Variants in LGALS8 observed in about 807,000 individuals in gnomAD.
The protein encoded by LGALS8 is galectin-8.
Under a neutral mutation model 35.9 loss-of-function variants are expected in LGALS8, and 30 were observed. The ratio of observed to expected loss-of-function variants is 0.83; its 90% CI spans 0.62 to 1.13. The LOEUF (loss-of-function observed/expected upper bound fraction) is 1.13. Among genes scored for constraint, LGALS8 ranks in the 50% most tolerant of loss-of-function variants. LGALS8 has a pLI of 0.00. For missense variants in LGALS8, 366 were observed against 388.7 expected, an observed-to-expected ratio of 0.94 and a Z score of 0.49; for synonymous variants, 138 against 136.1, an observed-to-expected ratio of 1.01 and a Z score of -0.10.
rs768800971 is a variant in LGALS8, at chr1:236,548,009, C to G, written c.805-3C>G. On this transcript the variant is annotated splice_polypyrimidine_tract_variant and splice_region_variant and intron_variant, in intron 9 of 9. Transcript: ENST00000366584. ...ACTAATGGCATGTATCCTTTCCTTT[C>G]AGATGATAATTTATTGTGATGTTAG... The G allele has an allele frequency of 6.2e-7, 1 of 1,609,318 alleles. No homozygotes were observed. The highest frequency in any genetic ancestry group is 1.1e-5 in the South Asian group (1 of 90,768).
chr1:236,552,058 T>C lies in LGALS8; in HGVS notation c.*3897T>C, dbSNP rs1210586627. 4 of 1,613,678 alleles carry C rather than the reference T, an allele frequency of 2.5e-6. No homozygotes were observed. The South Asian group carries it at 4.4e-5, about 18-fold the overall frequency. ...TGGTAGCAAGACAATATAATTCTCC[T>C]TTAGTTTTTCAGCCAGTGCTAACAC... On this transcript the variant is annotated 3_prime_UTR_variant, in exon 10 of 10. Coordinates refer to ENST00000366584, the MANE Select transcript of LGALS8 (RefSeq NM_201544.4).
Position 236,551,296 on chromosome 1 carries a change from G to A in LGALS8, c.*3135G>A, listed in dbSNP as rs1662731079. ...CCCCTCCAAGAGCTAAGAAACAAAG[G>A]AGAATGTACTTTTGTAGCTTAGATA... On this transcript the variant is annotated 3_prime_UTR_variant, in exon 10 of 10. Transcript: ENST00000366584. 1 of 337,400 alleles carries A rather than the reference G, an allele frequency of 3.0e-6. No homozygotes were observed. Among genetic ancestry groups the A allele is most frequent in the African/African-American group, 2.1e-5 (1 of 47,412 alleles). 20.9% of individuals were successfully genotyped at this position (337,400 alleles called of 1,614,324 possible).
At chr1:236,520,570 T>A (rs1660523295), upstream of LGALS8, among the ~76,000 whole-genome samples, 1 of 152,198 alleles carries the variant, frequency 6.6e-6, no homozygotes, top group African/African-American at 2.4e-5. Flanking sequence ...ATGACATCCA[T>A]GTTCCTAAGC....
At chr1:236,525,407 T>C (rs988009292) in intron 1 of LGALS8, 1 of 26,750 alleles carries the variant, frequency 3.7e-5, no homozygotes, top group African/African-American at 5.1e-5. Context: ...TTAATTAAAT[T>C]TTTTTTTTTT....
At chr1:236,535,824 G>C (rs1433466369) in intron 2 of LGALS8, among the ~76,000 whole-genome samples, 1 of 152,224 alleles carries the variant, frequency 6.6e-6, no homozygotes, top group African/African-American at 2.4e-5. Context: ...AGGCAACAGA[G>C]AGCTTGTGGG....
chr1:236,543,828 T>C (rs1428551091), intron 8 of LGALS8, among the ~76,000 whole-genome samples, 180 bp downstream of exon 8: 1 of 152,140 alleles, frequency 6.6e-6, no homozygotes. Flanking sequence ...CAGAGCCGAC[T>C]AAGGCCGTGT....
upstream of LGALS8, among the ~76,000 whole-genome samples, chr1:236,518,677 C>T (rs1660469504): frequency 1.3e-5 from 2 of 151,990 alleles, no homozygotes; most frequent in Non-Finnish European, 2.9e-5. Context: ...TCATTATTGT[C>T]ACAGGTTCTG....
rs768957404 is a variant in LGALS8 at position 236,542,767 on chromosome 1, A to T, written c.529A>T (p.Lys177Ter). The T allele has an allele frequency of 6.2e-7, 1 of 1,614,150 alleles. No individual in the cohort carries two copies. Residue 177 changes from lysine to a stop codon, truncating the protein, a stop_gained, in exon 7 of 10, where the codon AAG becomes TAG. Coordinates refer to ENST00000366584, the MANE Select transcript of LGALS8 (RefSeq NM_201544.4). LOFTEE classifies it high-confidence loss of function. The part of the protein sequence containing the change: ...LTEISRENVP[K>*]SGTPQLRLPF... ...TTTGTTTCTTTTCCAATAGGTTCCA[A>T]AGTCTGGCACGCCCCAGCTTGTGAG...
rs907647115 is a variant in LGALS8 at position 236,524,308 on chromosome 1, G to A, written c.-104+247G>A. The A allele has an allele frequency of 3.7e-5, 17 of 456,372 alleles. No individual in the cohort carries two copies. In the Admixed American group the frequency reaches 3.8e-4, roughly 10 times the overall value. The allele number at this position is 456,372 out of a possible 1,614,324, so 28.3% of individuals were successfully genotyped here. ...GGCATAAGGGATTATCAGGAGTCGC[G>A]GCCTTTCTTGGACATCCCTGGCTGG... On this transcript the variant is annotated intron_variant, in intron 1 of 9. Coordinates refer to ENST00000366584, the MANE Select transcript of LGALS8 (RefSeq NM_201544.4).
At chr1:236,546,194 CAG>C (rs1257080879) in intron 9 of LGALS8, among the ~76,000 whole-genome samples, 1 of 152,136 alleles carries the variant, frequency 6.6e-6, no homozygotes, top group Non-Finnish European at 1.5e-5. Context: ...CATTTTTTTG[CAG>C]AGACAGTGAA....
chr1:236,546,120 T>C (rs768641282), intron 9 of LGALS8, among the ~76,000 whole-genome samples: 3 of 152,174 alleles, frequency 2.0e-5, no homozygotes, highest in Admixed American at 6.5e-5. Flanking sequence ...AATACTAAGA[T>C]GAAAATACCT....
chr1:236,528,337 G>T (rs1307128997), intron 2 of LGALS8, among the ~76,000 whole-genome samples: 1 of 149,970 alleles, frequency 6.7e-6, no homozygotes, highest in South Asian at 2.1e-4. Context: ...AGCCGAGATG[G>T]TGCCACTGCA....
intron 2 of LGALS8, among the ~76,000 whole-genome samples, chr1:236,533,984 A>G (rs1661309382): frequency 6.6e-6 from 1 of 152,108 alleles, no homozygotes; most frequent in South Asian, 2.1e-4. Context: ...CCCCGGATGT[A>G]GCTGCCTTTG....
chr1:236,551,012 CA>C lies in LGALS8; in HGVS notation c.*2855del. 2 of 1,405,420 alleles carry C rather than the reference CA, an allele frequency of 1.4e-6. No individual in the cohort carries two copies. Among genetic ancestry groups the C allele is most frequent in the Non-Finnish European group, 1.9e-6 (2 of 1,047,870 alleles). 87.1% of individuals were successfully genotyped at this position (1,405,420 alleles called of 1,614,324 possible). Reference sequence around the variant, plus strand: ...TCATCTAAAAAAAAAAAAAAAAAATCAAAATTAAAATCTGAGTCAGTCCGCC... The same window carrying C: ...TCATCTAAAAAAAAAAAAAAAAAATCAAATTAAAATCTGAGTCAGTCCGCC... On this transcript the variant is annotated 3_prime_UTR_variant, in exon 10 of 10. Transcript: ENST00000366584.
Position 236,538,880 on chromosome 1 carries a change from T to C in LGALS8, c.136T>C (p.Phe46Leu), listed in dbSNP as rs1258714026. ...GCCCCTGTGTCTTCCCTCATATAGA[T>C]TCCAGGTGGATCTGCAGAATGGCAG... The part of the protein sequence containing the change: ...RGHVPSDADR[F>L]QVDLQNGSSM... Residue 46 changes from phenylalanine (F) to leucine (L), a missense_variant and splice_region_variant, in exon 4 of 10, where the codon TTC (phenylalanine) becomes CTC (leucine). By Grantham distance (22) the Phe-to-Leu change is conservative (BLOSUM62 0). Transcript: ENST00000366584. 10 of 1,611,580 alleles carry C rather than the reference T, an allele frequency of 6.2e-6. No homozygotes were observed. The highest frequency in any genetic ancestry group is 7.6e-6 in the Non-Finnish European group (9 of 1,179,132).
chr1:236,543,945 CTTTTCT>C (rs903780662), intron 8 of LGALS8, among the ~76,000 whole-genome samples: 9 of 103,716 alleles, frequency 8.7e-5, no homozygotes, highest in Admixed American at 1.9e-4. Flanking sequence ...CAGGCAACAT[CTTTTCT>C]TTTTTTTTTT....
In LGALS8 at chr1:236,541,721, A is replaced by T; in HGVS notation, c.522+11A>T. ...ATAAGTAGAGAAAATGTAAATATTA[A>T]ATCTTTTAATGAGCCACTGGTTTAA... On this transcript the variant is annotated intron_variant, in intron 6 of 9. Coordinates refer to ENST00000366584, the MANE Select transcript of LGALS8 (RefSeq NM_201544.4). 1 of 1,384,662 alleles carries T rather than the reference A, an allele frequency of 7.2e-7. No homozygotes were observed. Among genetic ancestry groups the T allele is most frequent in the Non-Finnish European group, 1.0e-6 (1 of 1,001,230 alleles). The allele number at this position is 1,384,662 out of a possible 1,614,324, so 85.8% of individuals were successfully genotyped here. A position where few individuals can be genotyped will look rare whatever the true frequency, so the allele number is the denominator to read the frequency against.
chr1:236,546,383 C>T (rs1644665815), intron 9 of LGALS8, among the ~76,000 whole-genome samples: 2 of 152,196 alleles, frequency 1.3e-5, no homozygotes. Flanking sequence ...TTTAAATATG[C>T]TTGCATTGAG....
rs1662768347 is a variant in LGALS8, at chr1:236,551,996, T to C, written c.*3835T>C. On this transcript the variant is annotated 3_prime_UTR_variant, in exon 10 of 10. Transcript: ENST00000366584. ...TAATGGTTGGGAATAGTTTGGGAAT[T>C]ACCTTCCATCAACTCTGCTAAGAAA... 1.9e-6 allele frequency: 3 copies of C among 1,566,372 alleles called. No homozygotes were observed. The East Asian group carries it at 6.7e-5, about 35-fold the overall frequency.
Sources: gnomAD v4.1 joint callset for allele counts (sites outside exome capture counted in the v4.1 genomes callset) on GRCh38, gnomAD v4.1.1 for gene constraint, MANE v1.5 for transcripts, NCBI Gene and HGNC (gene_info 2026-07-23, HGNC 2026-07-21) for gene names.